Variants in PPM1A observed in about 807,000 individuals in gnomAD.
PPM1A encodes protein phosphatase, Mg2+/Mn2+ dependent 1A.
A neutral mutation model predicts 35.0 loss-of-function variants in PPM1A; 7 were observed. That is an observed-to-expected ratio of 0.20 (90% CI 0.11 to 0.38). The LOEUF (loss-of-function observed/expected upper bound fraction) is 0.38. Ranked by LOEUF, PPM1A falls within the 10% of genes least tolerant of loss-of-function variation. The pLI is 1.00. For missense variants in PPM1A, 239 were observed against 467.8 expected, an observed-to-expected ratio of 0.51 and a Z score of 4.51; for synonymous variants, 153 against 167.3, an observed-to-expected ratio of 0.91 and a Z score of 0.66.
At chr14:60,262,930 T>TTGG (rs1345233423) in intron 1 of PPM1A, among the ~76,000 whole-genome samples, 9 of 152,154 alleles carry the variant, frequency 5.9e-5, no homozygotes, top group Non-Finnish European at 1.2e-4. Context: ...TTGACATGAA[T>TTGG]AGTTCCTGGG....
chr14:60,283,630 A>ATC lies in PPM1A; in HGVS notation c.834+93_834+94insTC. On this transcript the variant is annotated intron_variant, in intron 2 of 5. Coordinates refer to ENST00000395076, the MANE Select transcript of PPM1A (RefSeq NM_021003.5). The surrounding 1 kb of genome is among the most constrained non-coding windows in gnomAD (Gnocchi z 6.3). Reference sequence around the variant, plus strand: ...TCATCTTAGAATCTGTAATTCTGAAACCAGTTTTTGGCACAACTGTAGGAT... The same window carrying ATC: ...TCATCTTAGAATCTGTAATTCTGAAATCCCAGTTTTTGGCACAACTGTAGGAT... The ATC allele has an allele frequency of 7.3e-7, 1 of 1,365,230 alleles. No homozygotes were observed. The highest frequency in any genetic ancestry group is 9.9e-7 in the Non-Finnish European group (1 of 1,014,104). The allele number at this position is 1,365,230 out of a possible 1,614,324, so 84.6% of individuals were successfully genotyped here.
At chr14:60,266,149 C>T (rs960393185) in intron 1 of PPM1A, among the ~76,000 whole-genome samples, 2 of 152,010 alleles carry the variant, frequency 1.3e-5, no homozygotes, top group Non-Finnish European at 2.9e-5. Flanking sequence ...TTGGTCATTG[C>T]TCCATATATT....
chr14:60,296,652 G>T lies in PPM1A; in HGVS notation c.*4170G>T, dbSNP rs1212881946. 2.9e-6 allele frequency: 1 copy of T among 345,782 alleles called. No homozygotes were observed. The highest frequency in any genetic ancestry group is 5.3e-6 in the Non-Finnish European group (1 of 188,450). The allele number at this position is 345,782 out of a possible 1,614,324, so 21.4% of individuals were successfully genotyped here. A position where few individuals can be genotyped will look rare whatever the true frequency, so the allele number is the denominator to read the frequency against. ...CTTCAATTATGTGCCATGTGTTTTG[G>T]TTTGTATATGTTTTAAATTGTATAT... On this transcript the variant is annotated 3_prime_UTR_variant, in exon 6 of 6. Transcript: ENST00000395076. This position sits in a 1 kb window ranked among gnomAD's most constrained non-coding sequence, Gnocchi z 4.4.
chr14:60,265,529 ATATT>A (rs1314794481), intron 1 of PPM1A, among the ~76,000 whole-genome samples: 2 of 152,266 alleles, frequency 1.3e-5, no homozygotes, highest in Non-Finnish European at 2.9e-5. Flanking sequence ...TAGTTAATAA[ATATT>A]TAACATACAT....
At chr14:60,291,772 G>A (rs1026119178) in intron 5 of PPM1A, among the ~76,000 whole-genome samples, 42 of 132,546 alleles carry the variant, frequency 3.2e-4, no homozygotes, top group Admixed American at 2.6e-3. Context: ...TTTTTTTCCC[G>A]AAGTTGGGAC....
rs1389834448 is a variant in PPM1A, at chr14:60,273,762, C to A, written c.-20-8922C>A. ...GACAGATTTGAGAATGCTTAGGAAG[C>A]ATATAACCCATGGGATTTGATGATG... On this transcript the variant is annotated intron_variant, in intron 1 of 5. Transcript: ENST00000395076. The surrounding 1 kb of genome is among the most constrained non-coding windows in gnomAD (Gnocchi z 4.3). Among the ~76,000 whole-genome samples the A allele has an allele frequency of 6.6e-6, 1 of 152,126 alleles. No individual in the cohort carries two copies. Among genetic ancestry groups the A allele is most frequent in the African/African-American group, 2.4e-5 (1 of 41,404 alleles).
At chr14:60,262,533 A>T (rs971648957) in intron 1 of PPM1A, among the ~76,000 whole-genome samples, 2 of 152,144 alleles carry the variant, frequency 1.3e-5, no homozygotes, top group Non-Finnish European at 2.9e-5. Flanking sequence ...AAAAATTTTT[A>T]AAATTAGCTG....
intron 1 of PPM1A, among the ~76,000 whole-genome samples, chr14:60,266,995 C>A (rs1301898919): frequency 6.6e-6 from 1 of 152,054 alleles, no homozygotes; most frequent in Non-Finnish European, 1.5e-5. Context: ...ACTTTTATTT[C>A]TGTTTTAACT....
At chr14:60,252,978 T>A (rs1882621828) in intron 1 of PPM1A, among the ~76,000 whole-genome samples, 1 of 152,178 alleles carries the variant, frequency 6.6e-6, no homozygotes, top group Non-Finnish European at 1.5e-5. Flanking sequence ...CAAGTTTCTG[T>A]ATACCTGTAT....
At chr14:60,284,343 G>A (rs1886712088) in intron 2 of PPM1A, among the ~76,000 whole-genome samples, 2 of 152,084 alleles carry the variant, frequency 1.3e-5, no homozygotes. Flanking sequence ...GGAGATAATA[G>A]TATCTTATAA....
At chr14:60,252,624 C>A (rs1882572532) in intron 1 of PPM1A, among the ~76,000 whole-genome samples, 2 of 152,250 alleles carry the variant, frequency 1.3e-5, no homozygotes, top group South Asian at 2.1e-4. Context: ...TCTCAAATAA[C>A]AAATTTTAAA....
rs1295681160 is a variant in PPM1A at position 60,296,513 on chromosome 14, A to C, written c.*4031A>C. 1 of 299,914 alleles carries C rather than the reference A, an allele frequency of 3.3e-6. No homozygotes were observed. The highest frequency in any genetic ancestry group is 4.7e-5 in the East Asian group (1 of 21,502). 18.6% of individuals were successfully genotyped at this position (299,914 alleles called of 1,614,324 possible). ...AGTTTTATATACTTTTGCTCACAGA[A>C]ACTGCTGGTGAGATTACCATTTTTT... On this transcript the variant is annotated 3_prime_UTR_variant, in exon 6 of 6. Transcript: ENST00000395076. The surrounding 1 kb of genome is among the most constrained non-coding windows in gnomAD (Gnocchi z 4.4).
intron 1 of PPM1A, among the ~76,000 whole-genome samples, chr14:60,281,829 C>G (rs1323161502): frequency 1.3e-5 from 2 of 152,124 alleles, no homozygotes; most frequent in Non-Finnish European, 2.9e-5. Context: ...ACCCTTTGAT[C>G]TTCTTTATAT....
Position 60,282,574 on chromosome 14 carries a change from A to C in PPM1A, c.-20-110A>C. ...TCAGCAACACAATGAATGTCTGCTT[A>C]TCGCGAGTTGTGAATTCCCGCATAT... On this transcript the variant is annotated intron_variant, in intron 1 of 5. Coordinates refer to ENST00000395076, the MANE Select transcript of PPM1A (RefSeq NM_021003.5). This position sits in a 1 kb window ranked among gnomAD's most constrained non-coding sequence, Gnocchi z 5.1. 5.3e-6 allele frequency: 7 copies of C among 1,319,082 alleles called. No individual in the cohort carries two copies. The highest frequency in any genetic ancestry group is 7.2e-6 in the Non-Finnish European group (7 of 968,998). 81.7% of individuals were successfully genotyped at this position (1,319,082 alleles called of 1,614,324 possible).
chr14:60,264,526 C>T (rs1263361056), intron 1 of PPM1A, among the ~76,000 whole-genome samples: 1 of 152,050 alleles, frequency 6.6e-6, no homozygotes, highest in East Asian at 1.9e-4. Context: ...TTTTATTTTG[C>T]CATACTTGAT....
chr14:60,263,291 C>T (rs112467753), intron 1 of PPM1A, among the ~76,000 whole-genome samples: 5 of 152,244 alleles, frequency 3.3e-5, no homozygotes, highest in Admixed American at 6.5e-5. Flanking sequence ...CTTCTATGGA[C>T]GATTTATGTT....
In PPM1A at chr14:60,249,500, G is replaced by C. The variant is rs1485642891; in HGVS notation, c.-198G>C. 1 of 985,310 alleles carries C rather than the reference G, an allele frequency of 1.0e-6. No homozygotes were observed. The highest frequency in any genetic ancestry group is 4.6e-5 in the South Asian group (1 of 21,646). The allele number at this position is 985,310 out of a possible 1,614,324, so 61.0% of individuals were successfully genotyped here. On this transcript the variant is annotated 5_prime_UTR_variant, in exon 1 of 6. Coordinates refer to ENST00000395076, the MANE Select transcript of PPM1A (RefSeq NM_021003.5). The surrounding 1 kb of genome is among the most constrained non-coding windows in gnomAD (Gnocchi z 4.5). ...GCCGCGAGGGCGCCGACAGCCGGGGGCCCGGACGCAGCCCGGCTCCTCCCC... is the reference window on the plus strand; with the variant it reads ...GCCGCGAGGGCGCCGACAGCCGGGGCCCCGGACGCAGCCCGGCTCCTCCCC...
In PPM1A at chr14:60,282,883, T is replaced by C. The variant is rs995311863; in HGVS notation, c.180T>C (p.Asp60=). The change falls in exon 2 of 6, where the codon GAT becomes GAC. Residue 60 remains aspartate (D), a synonymous_variant. Coordinates refer to ENST00000395076, the MANE Select transcript of PPM1A (RefSeq NM_021003.5). This position sits in a 1 kb window ranked among gnomAD's most constrained non-coding sequence, Gnocchi z 5.1. ...LESWSFFAVY[D]GHAGSQVAKY... ...CGTGGTCATTCTTTGCTGTGTATGATGGGCATGCTGGTTCTCAGGTTGCCA... is the reference window on the plus strand; with the variant it reads ...CGTGGTCATTCTTTGCTGTGTATGACGGGCATGCTGGTTCTCAGGTTGCCA... The C allele has an allele frequency of 2.8e-5, 46 of 1,614,146 alleles. No individual in the cohort carries two copies. Among genetic ancestry groups the C allele is most frequent in the Non-Finnish European group, 3.8e-5 (45 of 1,180,054 alleles).
chr14:60,247,048 A>C (rs1881825191), upstream of PPM1A, among the ~76,000 whole-genome samples: 1 of 152,156 alleles, frequency 6.6e-6, no homozygotes, highest in Non-Finnish European at 1.5e-5. Context: ...TCTGCTTATA[A>C]ATAAGAAAAT....
Sources: allele counts gnomAD v4.1 joint callset (sites outside exome capture counted in the v4.1 genomes callset), GRCh38; gene constraint gnomAD v4.1.1; non-coding constraint Gnocchi (gnomAD v3.1); transcripts MANE v1.5; gene names NCBI Gene and HGNC (gene_info 2026-07-23, HGNC 2026-07-21).